Variants in SORT1 observed in about 807,000 individuals in gnomAD.
SORT1 encodes the protein sortilin.
SORT1 carries 39 observed loss-of-function variants against 101.7 expected under a neutral mutation model. That is an observed-to-expected ratio of 0.38 (90% confidence interval 0.30 to 0.50). The LOEUF is 0.50. SORT1 is among the 20% of genes least tolerant of loss of function. SORT1 has a pLI of 0.90. For missense variants in SORT1, 878 were observed against 1,040.4 expected (o/e 0.84, Z 2.15); for synonymous variants, 396 against 393.7 (o/e 1.01, Z -0.07).
intron 1 of SORT1, among the ~76,000 whole-genome samples, chr1:109,380,813 C>CAAAAAAAAAAA (rs60568166): frequency 2.0e-5 from 1 of 49,224 alleles, no homozygotes; most frequent in African/African-American, 9.6e-5. Flanking sequence ...CCTGTCGCCA[C>CAAAAAAAAAAA]AAAAAAAAAA....
intron 1 of SORT1, among the ~76,000 whole-genome samples, chr1:109,389,612 C>T (rs556731256): frequency 1.1e-4 from 16 of 152,350 alleles, no homozygotes; most frequent in Admixed American, 2.0e-4. Flanking sequence ...CAACCTTATC[C>T]TTGTTCACAA....
intron 11 of SORT1, among the ~76,000 whole-genome samples, chr1:109,332,769 A>G (rs1341029898): frequency 6.6e-6 from 1 of 152,156 alleles, no homozygotes; most frequent in Non-Finnish European, 1.5e-5. Context: ...AAACAAATAG[A>G]CCAATGGAAC....
At chr1:109,394,616 C>A (rs1653093829) in intron 1 of SORT1, among the ~76,000 whole-genome samples, 1 of 152,134 alleles carries the variant, frequency 6.6e-6, no homozygotes. Context: ...TCCTCATAAG[C>A]CACAGACACA....
At chr1:109,379,269 A>G (rs1462646416) in intron 1 of SORT1, among the ~76,000 whole-genome samples, 1 of 152,106 alleles carries the variant, frequency 6.6e-6, no homozygotes, top group Non-Finnish European at 1.5e-5. Flanking sequence ...GGCCACACAT[A>G]AAATACATTA....
chr1:109,324,287 G>A (rs1286355614), intron 14 of SORT1, among the ~76,000 whole-genome samples: 4 of 151,966 alleles, frequency 2.6e-5, no homozygotes, highest in Admixed American at 2.6e-4. Flanking sequence ...ACAGGCACCC[G>A]CCACCTTACC....
intron 1 of SORT1, among the ~76,000 whole-genome samples, chr1:109,370,477 A>G (rs1190334145): frequency 2.0e-5 from 3 of 152,192 alleles, no homozygotes; most frequent in African/African-American, 7.2e-5. Context: ...TAAAAATTCC[A>G]AAGAGGTAAT....
At chr1:109,356,790 A>T (rs1005398903) in intron 3 of SORT1, among the ~76,000 whole-genome samples, 1 of 152,226 alleles carries the variant, frequency 6.6e-6, no homozygotes, top group African/African-American at 2.4e-5. Flanking sequence ...ATTCGAATCC[A>T]TGTTTAGATT....
intron 1 of SORT1, among the ~76,000 whole-genome samples, chr1:109,375,227 C>T (rs926898032): frequency 4.7e-4 from 72 of 152,176 alleles, no homozygotes; most frequent in Non-Finnish European, 7.9e-4. Flanking sequence ...ATTATATATG[C>T]AATCAGGGCA....
intron 1 of SORT1, among the ~76,000 whole-genome samples, chr1:109,373,207 G>A (rs918890732): frequency 1.3e-5 from 2 of 152,202 alleles, no homozygotes; most frequent in Non-Finnish European, 1.5e-5. Flanking sequence ...CTTACTGCCT[G>A]GAGAGAATTT....
chr1:109,322,449 A>G (rs750937797), intron 15 of SORT1, among the ~76,000 whole-genome samples: 2 of 152,022 alleles, frequency 1.3e-5, no homozygotes, highest in African/African-American at 2.4e-5. Flanking sequence ...TATCTGTTTC[A>G]TTATTAACAA....
intron 1 of SORT1, among the ~76,000 whole-genome samples, chr1:109,390,775 G>GTA (rs1318622317): frequency 7.5e-6 from 1 of 133,826 alleles, no homozygotes; most frequent in East Asian, 2.0e-4. Flanking sequence ...GTGTGTATGT[G>GTA]TGTGTGTGTG....
intron 1 of SORT1, among the ~76,000 whole-genome samples, chr1:109,383,709 CAG>C: frequency 6.6e-6 from 1 of 152,256 alleles, no homozygotes; most frequent in African/African-American, 2.4e-5. Flanking sequence ...AAAATCCTAA[CAG>C]AATATAGTTC....
rs541357577 is a variant in SORT1, at chr1:109,381,746, A to G, written c.307-12157T>C. 3.3e-3 allele frequency among the ~76,000 whole-genome samples: 502 copies of G among 152,288 alleles called. 2 individuals are homozygous for G. Among genetic ancestry groups the G allele is most frequent in the Non-Finnish European group, 5.2e-3 (355 of 68,022 alleles). ...CAACAACAATAAAAACTAGCCAGGC[A>G]TGGTGGCAAGCACCTGTCGTCCCAG... On this transcript the variant is annotated intron_variant, in intron 1 of 19. Transcript: ENST00000256637.
At chr1:109,322,882 C>A in intron 15 of SORT1, 50 bp downstream of exon 15, 1 of 1,475,860 alleles carries the variant, frequency 6.8e-7, no homozygotes. Context: ...CTGTCTTTCA[C>A]CTCCTCCAAC....
chr1:109,347,665 G>A (rs1283511287), intron 6 of SORT1, 133 bp from the exon 7 acceptor site: 17 of 618,386 alleles, frequency 2.7e-5, no homozygotes, highest in East Asian at 2.7e-4. Context: ...CTTCTCAGGC[G>A]CTGAGCCCTG....
chr1:109,350,975 C>A lies in SORT1; in HGVS notation c.736G>T (p.Gly246Trp). The change falls in exon 6 of 20, where the codon GGG (glycine) becomes TGG (tryptophan). Residue 246 changes from glycine (G) to tryptophan (W), a missense_variant. Transcript: ENST00000256637. ...TTGTGGATTTCTTCCCATTTTCCCC[C>A]AAAATTCTTGGACACCCACAGGCCA... ...ENGLWVSKNFGGKWEEIHKAV... is the reference protein window; with the variant it reads ...ENGLWVSKNFWGKWEEIHKAV... The A allele has an allele frequency of 6.2e-7, 1 of 1,612,788 alleles. No homozygotes were observed. Among genetic ancestry groups the A allele is most frequent in the South Asian group, 1.1e-5 (1 of 91,074 alleles).
At chr1:109,350,268 C>T (rs531086355) in intron 6 of SORT1, among the ~76,000 whole-genome samples, 73 of 152,186 alleles carry the variant, frequency 4.8e-4, no homozygotes, top group Non-Finnish European at 9.3e-4. Context: ...TCAGTTCTTG[C>T]TTAGCCATCC....
At chr1:109,315,051 C>A (rs1011786294) in intron 17 of SORT1, among the ~76,000 whole-genome samples, 5 of 152,058 alleles carry the variant, frequency 3.3e-5, no homozygotes, top group African/African-American at 1.2e-4. Flanking sequence ...TGGGCAACTG[C>A]CTAGATCAAG....
At chr1:109,352,090 T>C (rs1338498525) in intron 5 of SORT1, among the ~76,000 whole-genome samples, 1 of 151,894 alleles carries the variant, frequency 6.6e-6, no homozygotes, top group Non-Finnish European at 1.5e-5. Context: ...CATTAACTAG[T>C]ATAAGGATTA....
Sources: allele counts gnomAD v4.1 joint callset (sites outside exome capture counted in the v4.1 genomes callset), GRCh38; gene constraint gnomAD v4.1.1; transcripts MANE v1.5; gene names NCBI Gene and HGNC (gene_info 2026-07-23, HGNC 2026-07-21).